Variants in PRICKLE3 observed in about 807,000 individuals in gnomAD.
PRICKLE3 encodes the protein prickle planar cell polarity protein 3.
Under a neutral mutation model 33.8 loss-of-function variants are expected in PRICKLE3, and 17 were observed. The ratio of observed to expected loss-of-function variants is 0.50; its 90% CI spans 0.34 to 0.75. The LOEUF is 0.75. Ranked by LOEUF, PRICKLE3 falls within the 30% of genes least tolerant of loss-of-function variation. The probability of loss-of-function intolerance (pLI) is 0.01; values close to 1 mark genes in which losing one functional copy is unlikely to be tolerated. For synonymous variants in PRICKLE3, 211 were observed against 219.6 expected, an observed-to-expected ratio of 0.96 and a Z score of 0.34; for missense variants, 573 against 576.7, an observed-to-expected ratio of 0.99 and a Z score of 0.07.
chrX:49,183,761 C>A lies in PRICKLE3; in HGVS notation c.285G>T (p.Trp95Cys). Residue 95 changes from tryptophan (W) to cysteine (C), a missense_variant, in exon 3 of 9, where the codon TGG becomes TGT. Physicochemically the swap from Trp to Cys is radical, Grantham distance 215 (BLOSUM62 -2). Transcript: ENST00000599218. ...GCTCCGGCTTAAGGCCTGGGGGCAC[C>A]CAGGCATACTCCTCCGATGCACAGC... Reference protein sequence around the residue: ...DSGCASEEYAWVPPGLKPEQV... With the variant: ...DSGCASEEYACVPPGLKPEQV... 1 of 1,210,685 alleles carries A rather than the reference C, an allele frequency of 8.3e-7. No homozygotes were observed.
rs782439634 is a variant in PRICKLE3, at chrX:49,174,818, C to G, written c.*855G>C. On this transcript the variant is annotated 3_prime_UTR_variant, in exon 9 of 9. Transcript: ENST00000599218. ...CACCCCCTCTTTGAGGTAAAAGTGC[C>G]TTTATTGGGAGACTTTTGTCTTCCA... 46 of 619,489 alleles carry G rather than the reference C, an allele frequency of 7.4e-5. 1 individual carries two copies. The African/African-American group carries it at 8.2e-4, about 11-fold the overall frequency. The allele number at this position is 619,489 out of a possible 1,213,427, so 51.1% of individuals were successfully genotyped here.
chrX:49,179,676 G>A lies in PRICKLE3; in HGVS notation c.426+17C>T. The A allele has an allele frequency of 8.8e-7, 1 of 1,132,626 alleles. No homozygotes were observed. The highest frequency in any genetic ancestry group is 1.2e-6 in the Non-Finnish European group (1 of 835,258). 93.3% of individuals were successfully genotyped at this position (1,132,626 alleles called of 1,213,427 possible). ...GTGCTGTGCCTGGCATGCCCTTCCT[G>A]TCTTCTCTCTCCTCACCTCACTGTC... is the stretch of plus-strand genomic sequence containing the variant. On this transcript the variant is annotated intron_variant, in intron 4 of 8. Coordinates refer to ENST00000599218, the MANE Select transcript of PRICKLE3 (RefSeq NM_006150.5).
intron 8 of PRICKLE3, 65 bp downstream of exon 8, chrX:49,176,838 G>T: frequency 9.3e-7 from 1 of 1,076,737 alleles, no homozygotes; most frequent in Admixed American, 3.1e-5. Flanking sequence ...GGCCAGGGCT[G>T]AGGCAGGGGC....
chrX:49,179,417 C>A, intron 4 of PRICKLE3, 29 bp from the exon 5 acceptor site: 1 of 1,200,972 alleles, frequency 8.3e-7, no homozygotes, highest in East Asian at 3.0e-5. Context: ...TCCCAGGCTC[C>A]TCCCTTGATG....
At chrX:49,179,616 C>G in intron 4 of PRICKLE3, 77 bp downstream of exon 4, 1 of 938,626 alleles carries the variant, frequency 1.1e-6, no homozygotes, top group Non-Finnish European at 1.5e-6. Flanking sequence ...CTCACCTTTC[C>G]TCCTCTGACC....
At chrX:49,183,361 C>A (rs1341775482) in intron 3 of PRICKLE3, among the ~76,000 whole-genome samples, 1 of 111,348 alleles carries the variant, frequency 9.0e-6, no homozygotes, top group Non-Finnish European at 1.9e-5. Context: ...AGTTCAACAT[C>A]AGCCTGGGCA....
intron 3 of PRICKLE3, among the ~76,000 whole-genome samples, chrX:49,181,548 T>TGTATATATATACACGTATATGTAC (rs1491541909): frequency 2.3e-4 from 4 of 17,201 alleles, no homozygotes; most frequent in Non-Finnish European, 6.8e-4. Flanking sequence ...TATACGTATA[T>TGTATATATATACACGTATATGTAC]GTGTATATAT....
At chrX:49,181,735 C>T (rs1292969394) in intron 3 of PRICKLE3, among the ~76,000 whole-genome samples, 2 of 103,685 alleles carry the variant, frequency 1.9e-5, no homozygotes, top group Non-Finnish European at 3.9e-5. Flanking sequence ...AAACCTCCGC[C>T]TCCCGGGTTC....
At position 49,175,213 on chromosome X, in the gene PRICKLE3, T is replaced by C. The variant is rs2147869374; in HGVS notation, c.*460A>G. The C allele has an allele frequency of 5.9e-6, 1 of 170,248 alleles. No individual in the cohort carries two copies. Among genetic ancestry groups the C allele is most frequent in the South Asian group, 1.3e-4 (1 of 7,640 alleles). 14.0% of individuals were successfully genotyped at this position (170,248 alleles called of 1,213,427 possible). On this transcript the variant is annotated 3_prime_UTR_variant, in exon 9 of 9. Transcript: ENST00000599218. ...AGCCAGGCCTGTTTTACAACAAATA[T>C]TAAATTACTTCAATAATACAAACGA...
chrX:49,183,703 C>T, intron 3 of PRICKLE3, 31 bp downstream of exon 3: 1 of 1,210,945 alleles, frequency 8.3e-7, no homozygotes, highest in Non-Finnish European at 1.1e-6. Flanking sequence ...ACCCACTGGA[C>T]AGCAAGAGTG....
chrX:49,181,668 C>T (rs961517722), intron 3 of PRICKLE3, among the ~76,000 whole-genome samples: 3 of 92,196 alleles, frequency 3.3e-5, no homozygotes, highest in East Asian at 3.3e-4. Flanking sequence ...ATTTATTAAA[C>T]GGAATTTTGC....
At chrX:49,183,635 A>G in intron 3 of PRICKLE3, 99 bp downstream of exon 3, 4 of 1,169,872 alleles carry the variant, frequency 3.4e-6, no homozygotes, top group Non-Finnish European at 4.6e-6. Context: ...ACTCTAGCGT[A>G]GCCCCAGAAA....
At chrX:49,185,012 A>C (rs1269048329) in intron 1 of PRICKLE3, 14 of 630,510 alleles carry the variant, frequency 2.2e-5, no homozygotes, top group Non-Finnish European at 3.1e-5. Flanking sequence ...CACCAGCCTT[A>C]GATCCTTCCA....
At chrX:49,182,117 T>C (rs1418847708) in intron 3 of PRICKLE3, among the ~76,000 whole-genome samples, 5 of 109,858 alleles carry the variant, frequency 4.6e-5, no homozygotes, top group Admixed American at 3.9e-4. Flanking sequence ...AGACTAATTT[T>C]TGTATTTTTA....
intron 5 of PRICKLE3, 125 bp from the exon 6 acceptor site, chrX:49,178,600 C>A (rs1316560421): frequency 2.9e-6 from 2 of 692,376 alleles, no homozygotes; most frequent in Non-Finnish European, 4.3e-6. Context: ...TCAGCCCCAC[C>A]CATGGGGTAA....
At position 49,175,383 on chromosome X, in the gene PRICKLE3, C is replaced by T. The variant is rs145036914; in HGVS notation, c.*290G>A. The T allele has an allele frequency of 0.023, 6,673 of 291,186 alleles. 407 individuals are homozygous for T. The highest frequency in any genetic ancestry group is 0.16 in the African/African-American group (5,858 of 35,968). The allele number at this position is 291,186 out of a possible 1,213,427, so 24.0% of individuals were successfully genotyped here. A position where few individuals can be genotyped will look rare whatever the true frequency, so the allele number is the denominator to read the frequency against. ...AAAAAATTAAAAAATTAGCTGGGAA[C>T]GCTGACACGAGCCTGGAGTCCCAGC... is the stretch of plus-strand genomic sequence containing the variant. On this transcript the variant is annotated 3_prime_UTR_variant, in exon 9 of 9. Transcript: ENST00000599218.
intron 1 of PRICKLE3, among the ~76,000 whole-genome samples, chrX:49,185,249 G>C (rs1557101747): frequency 9.0e-6 from 1 of 111,098 alleles, no homozygotes; most frequent in East Asian, 2.8e-4. Context: ...CTAAACCCTG[G>C]CCTCATGCCC....
At chrX:49,176,506 AG>A (rs1201483514) in intron 8 of PRICKLE3, among the ~76,000 whole-genome samples, 1 of 108,731 alleles carries the variant, frequency 9.2e-6, no homozygotes, top group Non-Finnish European at 1.9e-5. Context: ...GGGCGTGGCC[AG>A]GGCACCCGGG....
rs2065406475 is a variant in PRICKLE3, at chrX:49,174,858, C to T, written c.*815G>A. 3.8e-6 allele frequency: 2 copies of T among 523,001 alleles called. No individual in the cohort carries two copies. The highest frequency in any genetic ancestry group is 6.9e-6 in the Non-Finnish European group (2 of 289,630). 43.1% of individuals were successfully genotyped at this position (523,001 alleles called of 1,213,427 possible). On this transcript the variant is annotated 3_prime_UTR_variant, in exon 9 of 9. Coordinates refer to ENST00000599218, the MANE Select transcript of PRICKLE3 (RefSeq NM_006150.5). Reference sequence around the variant, plus strand: ...TTTGTCTTCCAGCCTGCCAATCAACCCTCCTGGGTGTGGCCACCATATGTG... The same window carrying T: ...TTTGTCTTCCAGCCTGCCAATCAACTCTCCTGGGTGTGGCCACCATATGTG...
Sources: gnomAD v4.1 joint callset for allele counts (sites outside exome capture counted in the v4.1 genomes callset) on GRCh38, gnomAD v4.1.1 for gene constraint, MANE v1.5 for transcripts, NCBI Gene and HGNC (gene_info 2026-07-23, HGNC 2026-07-21) for gene names.